The following CBFA2T3 variants were observed in gnomAD, a reference collection of about 807,000 sequenced individuals.
The protein encoded by CBFA2T3 is CBFA2/RUNX1 partner transcriptional co-repressor 3, also known as transcriptional corepressor CBFA2T3.
In CBFA2T3, 31 loss-of-function variants were observed where a neutral mutation model predicts 58.6. The ratio of observed to expected loss-of-function variants is 0.53; its 90% confidence interval spans 0.40 to 0.71. CBFA2T3 has a LOEUF of 0.71. CBFA2T3 is among the 30% of genes least tolerant of loss of function. CBFA2T3 has a pLI of 0.00. For missense variants in CBFA2T3, 1,076 were observed against 963.1 expected (o/e 1.12, Z -1.55); for synonymous variants, 531 against 421.9 (o/e 1.26, Z -3.17).
At chr16:88,937,245 C>T (rs1226877512) in intron 1 of CBFA2T3, 5 of 152,244 alleles carry the variant, frequency 3.3e-5, no homozygotes, top group African/African-American at 1.2e-4. Flanking sequence ...TTCACTGACG[C>T]AGGCTTTCCC....
intron 3 of CBFA2T3, among the ~76,000 whole-genome samples, chr16:88,895,388 C>T (rs2142605853): frequency 6.6e-6 from 1 of 152,184 alleles, no homozygotes; most frequent in East Asian, 1.9e-4. Context: ...GGTCAGGAAG[C>T]TGTGCTGTGG....
chr16:88,892,451 G>C lies in CBFA2T3; in HGVS notation c.414C>G (p.Ile138Met), dbSNP rs754955376. 12 of 1,613,194 alleles carry C rather than the reference G, an allele frequency of 7.4e-6. No homozygotes were observed. Among genetic ancestry groups the C allele is most frequent in the Non-Finnish European group, 1.0e-5 (12 of 1,179,912 alleles). Reference sequence around the variant, plus strand: ...CGTTGGGTGTGCACGGTGCACCATTGATGGCTGTTGGTGAGTGGCTGCTGC... The same window carrying C: ...CGTTGGGTGTGCACGGTGCACCATTCATGGCTGTTGGTGAGTGGCTGCTGC... ...MNGSSHSPTA[I>M]NGAPCTPNGF... Residue 138 changes from isoleucine (I) to methionine (M), a missense_variant, in exon 4 of 12, where the codon ATC (isoleucine) becomes ATG (methionine). Transcript: ENST00000268679.
At chr16:88,915,742 T>TG (rs1224169592) in intron 1 of CBFA2T3, among the ~76,000 whole-genome samples, 12 of 14,472 alleles carry the variant, frequency 8.3e-4, no homozygotes, top group South Asian at 4.0e-3. Flanking sequence ...AGGGGGAGCG[T>TG]GGGGGGGGAG....
At chr16:88,959,049 T>C (rs528577115) in intron 1 of CBFA2T3, among the ~76,000 whole-genome samples, 1 of 152,232 alleles carries the variant, frequency 6.6e-6, no homozygotes, top group Admixed American at 6.5e-5. Context: ...GGGCCAGGAT[T>C]CAGAGGGGAA....
chr16:88,962,596 G>A (rs1273727403), intron 1 of CBFA2T3, among the ~76,000 whole-genome samples: 2 of 152,176 alleles, frequency 1.3e-5, no homozygotes, highest in African/African-American at 2.4e-5. Context: ...ATCACCAAAG[G>A]GCACATTTGG....
chr16:88,895,089 CGGCCCCCCTTTCTG>C (rs1969832366), intron 3 of CBFA2T3, among the ~76,000 whole-genome samples: 1 of 152,180 alleles, frequency 6.6e-6, no homozygotes, highest in Non-Finnish European at 1.5e-5. Flanking sequence ...ACCTACATGC[CGGCCCCCCTTTCTG>C]GGCTGCGTCC....
At chr16:88,879,221 A>G in intron 11 of CBFA2T3, 49 bp downstream of exon 11, 1 of 1,508,364 alleles carries the variant, frequency 6.6e-7, no homozygotes, top group Non-Finnish European at 9.0e-7. Flanking sequence ...GTGGGACCGC[A>G]CGGGAGCCGA....
intron 1 of CBFA2T3, 120 bp downstream of exon 1, chr16:88,976,537 A>G (rs2142898926): frequency 2.7e-6 from 2 of 734,884 alleles, no homozygotes; most frequent in Non-Finnish European, 4.5e-6. Flanking sequence ...CAACACGGCC[A>G]TCCGTGCCGG....
At chr16:88,947,020 G>A (rs774141949) in intron 1 of CBFA2T3, among the ~76,000 whole-genome samples, 1 of 152,194 alleles carries the variant, frequency 6.6e-6, no homozygotes, top group Non-Finnish European at 1.5e-5. Flanking sequence ...AATGGTAGAC[G>A]CAAGTCATAT....
chr16:88,891,556 C>T lies in CBFA2T3; in HGVS notation c.711+326G>A, dbSNP rs1383805147. Among the ~76,000 whole-genome samples the T allele has an allele frequency of 3.9e-5, 6 of 152,286 alleles. No homozygotes were observed. The East Asian group carries it at 7.7e-4, about 20-fold the overall frequency. On this transcript the variant is annotated intron_variant, in intron 5 of 11. Transcript: ENST00000268679. ...GCTCAAAAATCACCCGTGGAGTGAGCGAGCACATTCGGCCAACGGCAACCA... is the reference window on the plus strand; with the variant it reads ...GCTCAAAAATCACCCGTGGAGTGAGTGAGCACATTCGGCCAACGGCAACCA...
At chr16:88,902,408 G>A (rs561513579) in intron 1 of CBFA2T3, 2 of 152,000 alleles carry the variant, frequency 1.3e-5, no homozygotes, top group South Asian at 4.1e-4. Flanking sequence ...ATGAGAACCT[G>A]CAGCTGAACA....
rs1429910302 is a variant in CBFA2T3 at position 88,885,436 on chromosome 16, G to A, written c.894-167C>T. On this transcript the variant is annotated intron_variant, in intron 6 of 11. Coordinates refer to ENST00000268679, the MANE Select transcript of CBFA2T3 (RefSeq NM_005187.6). The surrounding 1 kb of genome is among the most constrained non-coding windows in gnomAD (Gnocchi z 5.3). ...CCAGCCCCGGGAAGCCCAGCCCGGC[G>A]CCCCCACTCTCTGCCCCTCTGCCGG... 1.3e-5 allele frequency among the ~76,000 whole-genome samples: 2 copies of A among 152,000 alleles called. No individual in the cohort carries two copies. Among genetic ancestry groups the A allele is most frequent in the Non-Finnish European group, 1.5e-5 (1 of 67,970 alleles).
chr16:88,964,110 G>T (rs1046541385), intron 1 of CBFA2T3, among the ~76,000 whole-genome samples: 1 of 152,200 alleles, frequency 6.6e-6, no homozygotes, highest in Non-Finnish European at 1.5e-5. Context: ...TGGGCCGATC[G>T]GCTTAAAGGA....
rs747438892 is a variant in CBFA2T3 at position 88,898,077 on chromosome 16, C to A, written c.379+1G>T. The A allele has an allele frequency of 6.2e-7, 1 of 1,610,796 alleles. No individual in the cohort carries two copies. Among genetic ancestry groups the A allele is most frequent in the Non-Finnish European group, 8.5e-7 (1 of 1,177,488 alleles). Reference sequence around the variant, plus strand: ...CCTGCGGTTTTTGTTATTTTACTTACAGAGACAGACCATAGACCATTTTAA... The same window carrying A: ...CCTGCGGTTTTTGTTATTTTACTTAAAGAGACAGACCATAGACCATTTTAA... On this transcript the variant is annotated splice_donor_variant, in intron 3 of 11. Transcript: ENST00000268679. LOFTEE classifies it high-confidence loss of function.
At chr16:88,891,296 G>A (rs1381138526) in intron 5 of CBFA2T3, among the ~76,000 whole-genome samples, 1 of 152,172 alleles carries the variant, frequency 6.6e-6, no homozygotes, top group East Asian at 1.9e-4. Context: ...AGTTACTGCT[G>A]TCTGGAAAAC....
intron 1 of CBFA2T3, among the ~76,000 whole-genome samples, chr16:88,952,956 CGAGA>C: frequency 6.8e-6 from 1 of 146,992 alleles, no homozygotes; most frequent in South Asian, 2.2e-4. Context: ...GGGCCTGTGT[CGAGA>C]CGGCATGTCC....
chr16:88,892,090 G>A (rs1319940163), intron 4 of CBFA2T3, 119 bp from the exon 5 acceptor site: 10 of 1,355,192 alleles, frequency 7.4e-6, no homozygotes, highest in South Asian at 2.5e-5. Context: ...CCAGGAGCTG[G>A]GCACGGCCTG....
intron 1 of CBFA2T3, among the ~76,000 whole-genome samples, chr16:88,905,148 C>T (rs1414830920): frequency 6.6e-6 from 1 of 151,932 alleles, no homozygotes; most frequent in Non-Finnish European, 1.5e-5. Context: ...GGGGAGTGGG[C>T]AGCGGGGAGT....
At position 88,877,284 on chromosome 16, in the gene CBFA2T3, G is replaced by T. The variant is rs774752898; in HGVS notation, c.1663-9C>A. The stretch of plus-strand genomic sequence containing the variant: ...CCGCAGTTCCAGCAGCTCTGGGTGG[G>T]GGCAGAGGGGCCAGTCAGGGCTGGG... On this transcript the variant is annotated splice_polypyrimidine_tract_variant and intron_variant, in intron 11 of 11. Coordinates refer to ENST00000268679, the MANE Select transcript of CBFA2T3 (RefSeq NM_005187.6). The T allele has an allele frequency of 1.8e-5, 27 of 1,539,060 alleles. No individual in the cohort carries two copies. The highest frequency in any genetic ancestry group is 2.4e-5 in the Non-Finnish European group (27 of 1,141,540).
Sources: gnomAD v4.1 joint callset for allele counts (sites outside exome capture counted in the v4.1 genomes callset) on GRCh38, gnomAD v4.1.1 for gene constraint, Gnocchi (gnomAD v3.1) non-coding constraint, MANE v1.5 for transcripts, NCBI Gene and HGNC (gene_info 2026-07-23, HGNC 2026-07-21) for gene names.